The following KCNQ4 variants were observed in gnomAD, a reference collection of about 807,000 sequenced individuals.
KCNQ4 encodes potassium voltage-gated channel subfamily KQT member 4.
A neutral mutation model predicts 72.6 loss-of-function variants in KCNQ4; 31 were observed. The ratio of observed to expected loss-of-function variants is 0.43; its 90% CI spans 0.32 to 0.58. The LOEUF is 0.58. Ranked by LOEUF, KCNQ4 falls within the 20% of genes least tolerant of loss-of-function variation. The pLI is 0.08. For missense variants in KCNQ4, 869 were observed against 962.6 expected (o/e 0.90, Z 1.29); for synonymous variants, 405 against 403.7 (o/e 1.00, Z -0.04).
intron 12 of KCNQ4, 120 bp downstream of exon 12, chr1:40,835,218 G>A: frequency 1.5e-6 from 2 of 1,311,652 alleles, no homozygotes; most frequent in East Asian, 2.5e-5. Flanking sequence ...TGAGTTTCTA[G>A]ACTGAGGAGG....
intron 1 of KCNQ4, among the ~76,000 whole-genome samples, chr1:40,801,817 GC>G (rs1647581968): frequency 6.6e-6 from 1 of 152,202 alleles, no homozygotes; most frequent in African/African-American, 2.4e-5. Flanking sequence ...GAACAGCCTG[GC>G]CCTCGGGGCC....
At position 40,838,413 on chromosome 1, in the gene KCNQ4, T is replaced by G; in HGVS notation, c.1978T>G (p.Phe660Val). 1 of 1,614,118 alleles carries G rather than the reference T, an allele frequency of 6.2e-7. No homozygotes were observed. The highest frequency in any genetic ancestry group is 8.5e-7 in the Non-Finnish European group (1 of 1,179,954). ...CCTGGGCGCCGTGCAAGTGCCGCTG[T>G]TCGACCCCGACATCACCTCCGACTA... ...ASLGAVQVPL[F>V]DPDITSDYHS... Residue 660 changes from phenylalanine to valine, a missense_variant, in exon 14 of 14, where the codon TTC becomes GTC. This residue lies in a region of KCNQ4 where 480 missense variants were observed against 501.9 expected (regional missense o/e 0.96). Coordinates refer to ENST00000347132, the MANE Select transcript of KCNQ4 (RefSeq NM_004700.4).
At position 40,794,576 on chromosome 1, in the gene KCNQ4, G is replaced by A. The variant is rs1462158388; in HGVS notation, c.314+10169G>A. Reference sequence around the variant, plus strand: ...TTCTCAGCCTCGCCAGCTGACCCAAGGCAGTTTCCAGTGGCCTAAGGCAAA... The same window carrying A: ...TTCTCAGCCTCGCCAGCTGACCCAAAGCAGTTTCCAGTGGCCTAAGGCAAA... On this transcript the variant is annotated intron_variant, in intron 1 of 13. Coordinates refer to ENST00000347132, the MANE Select transcript of KCNQ4 (RefSeq NM_004700.4). The surrounding 1 kb of genome is among the most constrained non-coding windows in gnomAD (Gnocchi z 4.2). 6.6e-6 allele frequency among the ~76,000 whole-genome samples: 1 copy of A among 152,200 alleles called. No individual in the cohort carries two copies. The highest frequency in any genetic ancestry group is 1.5e-5 in the Non-Finnish European group (1 of 68,050).
intron 11 of KCNQ4, 108 bp from the exon 12 acceptor site, chr1:40,834,859 A>C: frequency 6.8e-7 from 1 of 1,477,538 alleles, no homozygotes; most frequent in Non-Finnish European, 9.4e-7. Flanking sequence ...GTGGCCAAGC[A>C]GGAGGTGCCC....
At chr1:40,795,206 G>C (rs1647377655) in intron 1 of KCNQ4, among the ~76,000 whole-genome samples, 1 of 151,492 alleles carries the variant, frequency 6.6e-6, no homozygotes, top group Admixed American at 6.6e-5. Flanking sequence ...GCAAGTGCTT[G>C]GTAAACTGCA....
chr1:40,824,390 C>T (rs1236586696), intron 9 of KCNQ4, 132 bp downstream of exon 9: 8 of 950,880 alleles, frequency 8.4e-6, no homozygotes, highest in African/African-American at 4.9e-5. Flanking sequence ...ACTCCTAGGC[C>T]GTCAGAGGGC....
chr1:40,799,864 C>G (rs1647526610), intron 1 of KCNQ4, among the ~76,000 whole-genome samples: 1 of 152,196 alleles, frequency 6.6e-6, no homozygotes, highest in Non-Finnish European at 1.5e-5. Flanking sequence ...CAAACTGTTT[C>G]AAGTCATAGA....
intron 1 of KCNQ4, among the ~76,000 whole-genome samples, chr1:40,798,571 A>T (rs557489788): frequency 4.6e-5 from 7 of 152,366 alleles, no homozygotes; most frequent in African/African-American, 1.4e-4. Context: ...GACTTGCCCA[A>T]GGTCATTCAG....
chr1:40,833,125 G>A lies in KCNQ4; in HGVS notation c.1613+12G>A. 1 of 1,599,946 alleles carries A rather than the reference G, an allele frequency of 6.3e-7. No homozygotes were observed. The highest frequency in any genetic ancestry group is 8.5e-7 in the Non-Finnish European group (1 of 1,171,656). On this transcript the variant is annotated intron_variant, in intron 11 of 13. Transcript: ENST00000347132. ...ATCCGCTCCATCAGGTAAGACTGAG[G>A]CCTGAGGCGAGCACCCCCCTCCGTG...
intron 1 of KCNQ4, among the ~76,000 whole-genome samples, chr1:40,793,575 A>G (rs1025701587): frequency 6.6e-6 from 1 of 151,846 alleles, no homozygotes; most frequent in Non-Finnish European, 1.5e-5. Flanking sequence ...CAAACTCAGC[A>G]TCTCCCTCCA....
chr1:40,822,429 G>T, intron 8 of KCNQ4, 27 bp downstream of exon 8: 2 of 1,305,914 alleles, frequency 1.5e-6, no homozygotes. Flanking sequence ...GTGGGGGTGG[G>T]TGGGGGGCTG....
chr1:40,801,625 A>C (rs996816111), intron 1 of KCNQ4, among the ~76,000 whole-genome samples: 9 of 152,198 alleles, frequency 5.9e-5, no homozygotes, highest in African/African-American at 1.7e-4. Flanking sequence ...AACTGTATCT[A>C]TCCCCGGTGT....
At chr1:40,803,772 C>T (rs756568964) in intron 1 of KCNQ4, among the ~76,000 whole-genome samples, 4 of 152,292 alleles carry the variant, frequency 2.6e-5, no homozygotes, top group African/African-American at 9.6e-5. Context: ...AACCAGATGC[C>T]CCAGGTGTGG....
chr1:40,800,795 A>G (rs887050909), intron 1 of KCNQ4, among the ~76,000 whole-genome samples: 4 of 152,188 alleles, frequency 2.6e-5, no homozygotes, highest in African/African-American at 9.6e-5. Flanking sequence ...CTCTTGTAGA[A>G]TAGTGTGAGA....
At chr1:40,787,787 T>C (rs967464557) in intron 1 of KCNQ4, among the ~76,000 whole-genome samples, 3 of 152,152 alleles carry the variant, frequency 2.0e-5, no homozygotes, top group African/African-American at 4.8e-5. Context: ...TCGTGGCCCA[T>C]CCTGCTCGCT....
intron 1 of KCNQ4, among the ~76,000 whole-genome samples, chr1:40,803,825 A>T (rs1348564511): frequency 6.6e-6 from 1 of 152,188 alleles, no homozygotes; most frequent in Admixed American, 6.5e-5. Flanking sequence ...TAACAAAGGC[A>T]TTGAAACCCC....
chr1:40,834,937 A>G, intron 11 of KCNQ4, 30 bp from the exon 12 acceptor site: 1 of 1,611,524 alleles, frequency 6.2e-7, no homozygotes, highest in African/African-American at 1.3e-5. Flanking sequence ...CTCTAACAGG[A>G]CACTCCCTCT....
chr1:40,809,818 A>G (rs567688360), intron 1 of KCNQ4, among the ~76,000 whole-genome samples: 45 of 152,202 alleles, frequency 3.0e-4, no homozygotes, highest in African/African-American at 1.1e-3. Context: ...TAATCCCAGC[A>G]CTTTGGGAGG....
chr1:40,821,801 G>C (rs889568827), intron 7 of KCNQ4, among the ~76,000 whole-genome samples: 1 of 152,144 alleles, frequency 6.6e-6, no homozygotes, highest in Non-Finnish European at 1.5e-5. Context: ...ACAATGAATA[G>C]GTATTCATCA....
Sources: gnomAD v4.1 joint callset for allele counts (sites outside exome capture counted in the v4.1 genomes callset) on GRCh38, gnomAD v4.1.1 for gene constraint, gnomAD v4.1.1 regional missense constraint, Gnocchi (gnomAD v3.1) non-coding constraint, MANE v1.5 for transcripts, NCBI Gene and HGNC (gene_info 2026-07-23, HGNC 2026-07-21) for gene names.